MYOF: variants seen among roughly 807,000 people sequenced by gnomAD.
The protein encoded by MYOF is myoferlin.
Under a neutral mutation model 284.2 loss-of-function variants are expected in MYOF, and 244 were observed. That is an observed-to-expected ratio of 0.86 (90% CI 0.77 to 0.95). MYOF has a LOEUF of 0.95. Among genes scored for constraint, MYOF ranks in the 40% least tolerant of loss-of-function variants. MYOF has a pLI of 0.00. For missense variants in MYOF, 2,496 were observed against 2,560.6 expected (o/e 0.97, Z 0.54); for synonymous variants, 904 against 919.7 (o/e 0.98, Z 0.31).
At chr10:93,408,694 G>T in intron 7 of MYOF, 93 bp downstream of exon 7, 1 of 1,527,496 alleles carries the variant, frequency 6.5e-7, no homozygotes, top group Non-Finnish European at 8.9e-7. Context: ...TCTCTACTTG[G>T]AACTCAGTGG....
chr10:93,381,283 G>A lies in MYOF; in HGVS notation c.1812C>T (p.Asn604=). The change falls in exon 20 of 54, where the codon AAC becomes AAT. Residue 604 remains asparagine, a synonymous_variant. Transcript: ENST00000359263. ...AAGGCTTACAGGTGGTGTCAAACTT[G>A]TTGCCATAGTTCCCAATGCTGACTT... ...QFEVSIGNYG[N]KFDTTCKPLA... is the part of the protein sequence containing the mutation. 1.2e-6 allele frequency: 2 copies of A among 1,614,200 alleles called. No homozygotes were observed. The highest frequency in any genetic ancestry group is 2.2e-5 in the South Asian group (2 of 91,084).
In MYOF at chr10:93,389,156, T is replaced by C; in HGVS notation, c.1457-2A>G. 1 of 1,612,584 alleles carries C rather than the reference T, an allele frequency of 6.2e-7. No individual in the cohort carries two copies. Among genetic ancestry groups the C allele is most frequent in the Non-Finnish European group, 8.5e-7 (1 of 1,179,542 alleles). On this transcript the variant is annotated splice_acceptor_variant, in intron 17 of 53. Transcript: ENST00000359263. LOFTEE classifies it high-confidence loss of function. ...CTACCTCTGTTTCTCCTGTGTTTAC[T>C]GAGAGAGAAACATCATCATGAGGTG... is the stretch of plus-strand genomic sequence containing the variant.
intron 15 of MYOF, 132 bp from the exon 16 acceptor site, chr10:93,396,356 G>A (rs1450526296): frequency 8.3e-6 from 5 of 601,392 alleles, no homozygotes; most frequent in South Asian, 5.4e-5. Flanking sequence ...AAATAATCAC[G>A]TCTAGTGGGC....
intron 3 of MYOF, among the ~76,000 whole-genome samples, chr10:93,438,476 C>T (rs906656621): frequency 2.6e-5 from 4 of 152,188 alleles, no homozygotes; most frequent in Non-Finnish European, 5.9e-5. Context: ...TGCCCGCCCA[C>T]CCTCACTCGG....
intron 3 of MYOF, among the ~76,000 whole-genome samples, chr10:93,445,925 A>G (rs1371548359): frequency 2.0e-5 from 3 of 152,182 alleles, no homozygotes; most frequent in Non-Finnish European, 4.4e-5. Context: ...AAAGGCCAGA[A>G]CTTTAGTAGA....
intron 3 of MYOF, among the ~76,000 whole-genome samples, chr10:93,437,587 G>T (rs920126398): frequency 7.2e-5 from 11 of 152,148 alleles, no homozygotes; most frequent in African/African-American, 2.4e-4. Flanking sequence ...ATCGCAGCAC[G>T]GTCTCAACTT....
chr10:93,392,277 G>C (rs7903726), intron 17 of MYOF, among the ~76,000 whole-genome samples: 15,303 of 151,998 alleles, frequency 0.1, 831 homozygotes, highest in African/African-American at 0.12. Flanking sequence ...CACAACCCTG[G>C]GAGATTATTA....
chr10:93,339,741 T>G (rs1843799672), intron 39 of MYOF, among the ~76,000 whole-genome samples: 1 of 152,062 alleles, frequency 6.6e-6, no homozygotes, highest in Non-Finnish European at 1.5e-5. Flanking sequence ...AGTGCTGGGA[T>G]TATAGGCGTG....
intron 13 of MYOF, among the ~76,000 whole-genome samples, chr10:93,398,240 C>T (rs889404321): frequency 6.6e-6 from 1 of 152,188 alleles, no homozygotes; most frequent in African/African-American, 2.4e-5. Context: ...TCGCCCTTCT[C>T]CCTGCCTGGA....
chr10:93,455,333 A>C (rs1288375884), intron 2 of MYOF, among the ~76,000 whole-genome samples: 1 of 151,798 alleles, frequency 6.6e-6, no homozygotes, highest in Non-Finnish European at 1.5e-5. Context: ...AACAAAAAAA[A>C]CCCCCAAGGC....
intron 12 of MYOF, 43 bp downstream of exon 12, chr10:93,401,375 C>T (rs1347996392): frequency 6.2e-7 from 1 of 1,605,460 alleles, no homozygotes; most frequent in Admixed American, 1.7e-5. Context: ...TTTCATCACA[C>T]ACATAATCAA....
At chr10:93,424,494 G>C (rs1161366330) in intron 5 of MYOF, among the ~76,000 whole-genome samples, 2 of 152,068 alleles carry the variant, frequency 1.3e-5, no homozygotes, top group Non-Finnish European at 2.9e-5. Context: ...AGCAAAGGGA[G>C]CCATGGATGT....
chr10:93,317,870 G>A lies in MYOF; in HGVS notation c.5599-1057C>T, dbSNP rs193140615. Among the ~76,000 whole-genome samples, 583 of 152,318 alleles carry A rather than the reference G, an allele frequency of 3.8e-3. 3 individuals carry two copies. The highest frequency in any genetic ancestry group is 6.2e-3 in the Non-Finnish European group (420 of 68,030). ...TTCCCAGTGTTTCATGAATTTGAAG[G>A]AAGATTACTGGGTTGTTTTTCATAT... is the stretch of plus-strand genomic sequence containing the variant. On this transcript the variant is annotated intron_variant, in intron 49 of 53. Transcript: ENST00000359263.
chr10:93,420,876 A>G (rs1248858668), intron 5 of MYOF, among the ~76,000 whole-genome samples: 2 of 152,228 alleles, frequency 1.3e-5, no homozygotes, highest in African/African-American at 4.8e-5. Flanking sequence ...GAAGAAGCAG[A>G]CATTACTTTT....
intron 38 of MYOF, among the ~76,000 whole-genome samples, chr10:93,341,686 A>G (rs1843925240): frequency 6.6e-6 from 1 of 152,248 alleles, no homozygotes; most frequent in Admixed American, 6.5e-5. Flanking sequence ...TTATGGAAGC[A>G]ACTGATGTGA....
At chr10:93,428,896 T>C (rs1848715729) in intron 4 of MYOF, among the ~76,000 whole-genome samples, 1 of 152,158 alleles carries the variant, frequency 6.6e-6, no homozygotes, top group Non-Finnish European at 1.5e-5. Context: ...TTTCATGCTG[T>C]GTTCTATAAC....
chr10:93,470,238 A>AG (rs2057110594), intron 1 of MYOF, among the ~76,000 whole-genome samples: 1 of 58,812 alleles, frequency 1.7e-5, no homozygotes. Context: ...CAAAAAAAAA[A>AG]AAAGAAAGAA....
At chr10:93,397,336 G>C (rs377738234) in intron 14 of MYOF, 46 bp from the exon 15 acceptor site, 13 of 1,590,038 alleles carry the variant, frequency 8.2e-6, no homozygotes, top group Non-Finnish European at 1.1e-5. Flanking sequence ...CAATGATTTA[G>C]TAATTATTAA....
Position 93,364,003 on chromosome 10 carries a change from G to T in MYOF, c.2826C>A (p.Pro942=). 1 of 1,614,148 alleles carries T rather than the reference G, an allele frequency of 6.2e-7. No individual in the cohort carries two copies. The highest frequency in any genetic ancestry group is 8.5e-7 in the Non-Finnish European group (1 of 1,180,046). ...CCTCGGCCGGCTTCCAGTCGCCCCC[G>T]GGGTAGCGGCTCTCGTTCTGATAGA... ...DEVYQNESRY[P]GGDWKPAEDT... is the part of the protein sequence containing the mutation. Residue 942 remains proline (P), a synonymous_variant, in exon 27 of 54, where the codon CCC becomes CCA. Transcript: ENST00000359263.
Sources: gnomAD v4.1 joint callset for allele counts (sites outside exome capture counted in the v4.1 genomes callset) on GRCh38, gnomAD v4.1.1 for gene constraint, MANE v1.5 for transcripts, NCBI Gene and HGNC (gene_info 2026-07-23, HGNC 2026-07-21) for gene names.